XPR1: variants seen among roughly 807,000 people sequenced by gnomAD.
XPR1 encodes the protein solute carrier family 53 member 1.
A neutral mutation model predicts 87.5 loss-of-function variants in XPR1; 28 were observed. That is an observed-to-expected ratio of 0.32 (90% confidence interval 0.24 to 0.44). The LOEUF (loss-of-function observed/expected upper bound fraction) is 0.44. XPR1 is among the 20% of genes least tolerant of loss of function. XPR1 has a pLI of 1.00. For synonymous variants in XPR1, 300 were observed against 306.1 expected, an observed-to-expected ratio of 0.98 and a Z score of 0.21; for missense variants, 559 against 862.3, an observed-to-expected ratio of 0.65 and a Z score of 4.41.
intron 14 of XPR1, 46 bp downstream of exon 14, chr1:180,880,343 T>C: frequency 6.2e-7 from 1 of 1,600,446 alleles, no homozygotes; most frequent in Non-Finnish European, 8.6e-7. Flanking sequence ...CTTTGAGTTT[T>C]AGCATTGGGT....
At chr1:180,662,094 T>C (rs1655800287) in intron 1 of XPR1, among the ~76,000 whole-genome samples, 1 of 152,224 alleles carries the variant, frequency 6.6e-6, no homozygotes, top group African/African-American at 2.4e-5. Context: ...ATCTTTCTAC[T>C]TCAGATATGA....
intron 3 of XPR1, among the ~76,000 whole-genome samples, chr1:180,800,095 G>A (rs1000383773): frequency 7.9e-5 from 12 of 152,086 alleles, no homozygotes; most frequent in African/African-American, 2.9e-4. Context: ...CTTACCTGTG[G>A]TTCAGAATCA....
At chr1:180,749,869 T>G (rs941577593) in intron 2 of XPR1, among the ~76,000 whole-genome samples, 3 of 152,222 alleles carry the variant, frequency 2.0e-5, no homozygotes, top group Non-Finnish European at 4.4e-5. Context: ...TATGCTTTAA[T>G]ATTATCACTT....
intron 2 of XPR1, among the ~76,000 whole-genome samples, chr1:180,774,904 C>T (rs139330791): frequency 3.3e-5 from 5 of 152,276 alleles, no homozygotes; most frequent in African/African-American, 9.6e-5. Flanking sequence ...AGACGTAGTG[C>T]CTGATAAAGG....
intron 7 of XPR1, 90 bp downstream of exon 7, chr1:180,811,578 C>A: frequency 1.0e-6 from 1 of 979,204 alleles, no homozygotes; most frequent in Non-Finnish European, 1.5e-6. Context: ...CATGCAACTA[C>A]CAAAGCTACT....
rs115666884 is a variant in XPR1, at chr1:180,772,098, A to C, written c.122-15655A>C. 3.2e-3 allele frequency among the ~76,000 whole-genome samples: 490 copies of C among 151,732 alleles called. 4 individuals are homozygous for C. Among genetic ancestry groups the C allele is most frequent in the African/African-American group, 0.011 (453 of 41,140 alleles). ...GCTGTTCTTTCTCACACATTTATTC[A>C]GTTATTTATTTATTCATATCAACAT... On this transcript the variant is annotated intron_variant, in intron 2 of 14. Transcript: ENST00000367590.
chr1:180,708,911 G>GT (rs1324131173), intron 2 of XPR1, among the ~76,000 whole-genome samples: 7 of 19,358 alleles, frequency 3.6e-4, no homozygotes, highest in Non-Finnish European at 4.2e-4. Flanking sequence ...TTTTTTTTTG[G>GT]GGGGGGGGGG....
intron 2 of XPR1, among the ~76,000 whole-genome samples, chr1:180,745,938 T>C (rs1224879071): frequency 6.6e-6 from 1 of 152,238 alleles, no homozygotes; most frequent in East Asian, 1.9e-4. Flanking sequence ...TGTTTTGTTT[T>C]GTTTTTAGCT....
chr1:180,835,839 A>C lies in XPR1; in HGVS notation c.1307-683A>C, dbSNP rs1419740420. On this transcript the variant is annotated intron_variant, in intron 10 of 14. Transcript: ENST00000367590. The stretch of plus-strand genomic sequence containing the variant: ...TTTGGAATTCACAAAATTGTCTAGA[A>C]TCACTGGTGATACTTGTAGGTTTTC... Among the ~76,000 whole-genome samples the C allele has an allele frequency of 3.3e-5, 5 of 152,286 alleles. No homozygotes were observed. In the East Asian group the frequency reaches 5.8e-4, roughly 18 times the overall value.
chr1:180,840,743 T>C lies in XPR1; in HGVS notation c.1501+4027T>C, dbSNP rs567136681. ...TGTTAAATATTCATATCACTAAAAT[T>C]TTTAACTAAAAAGCTTAAAACAGAG... On this transcript the variant is annotated intron_variant, in intron 11 of 14. Transcript: ENST00000367590. Among the ~76,000 whole-genome samples the C allele has an allele frequency of 1.7e-3, 256 of 152,012 alleles. 1 individual carries two copies. The highest frequency in any genetic ancestry group is 6.0e-3 in the African/African-American group (250 of 41,480).
At chr1:180,698,927 G>T (rs1368689108) in intron 2 of XPR1, among the ~76,000 whole-genome samples, 5 of 145,460 alleles carry the variant, frequency 3.4e-5, no homozygotes, top group African/African-American at 1.2e-4. Flanking sequence ...TTCTCTTGAT[G>T]TTTTCAGAAT....
At chr1:180,696,208 G>GTGTGTGTGTGTA (rs1241189679) in intron 2 of XPR1, among the ~76,000 whole-genome samples, 1 of 88,566 alleles carries the variant, frequency 1.1e-5, no homozygotes, top group African/African-American at 3.7e-5. Flanking sequence ...GTGTGTGTGT[G>GTGTGTGTGTGTA]TATATATATA....
intron 2 of XPR1, among the ~76,000 whole-genome samples, chr1:180,699,219 T>A: frequency 6.7e-6 from 1 of 148,614 alleles, no homozygotes; most frequent in African/African-American, 2.4e-5. Flanking sequence ...CTTTTTTTTT[T>A]TTTTTTTATT....
At chr1:180,691,182 A>C (rs1330097075) in intron 2 of XPR1, among the ~76,000 whole-genome samples, 1 of 152,076 alleles carries the variant, frequency 6.6e-6, no homozygotes, top group Non-Finnish European at 1.5e-5. Flanking sequence ...ATATTTTATG[A>C]AGTATTGAGA....
intron 13 of XPR1, among the ~76,000 whole-genome samples, chr1:180,874,661 A>G (rs540789320): frequency 1.3e-5 from 2 of 152,186 alleles, no homozygotes; most frequent in South Asian, 4.2e-4. Context: ...TTGCACTCCA[A>G]CCTGGGCAAC....
At chr1:180,780,791 A>G (rs1648908091) in intron 2 of XPR1, among the ~76,000 whole-genome samples, 1 of 151,740 alleles carries the variant, frequency 6.6e-6, no homozygotes, top group African/African-American at 2.4e-5. Flanking sequence ...AAGAGATGCA[A>G]GAGTTGAAAG....
At chr1:180,676,626 TTC>T (rs892354281) in intron 1 of XPR1, among the ~76,000 whole-genome samples, 2 of 152,164 alleles carry the variant, frequency 1.3e-5, no homozygotes, top group Non-Finnish European at 2.9e-5. Context: ...ACAAAAGACT[TTC>T]TGATGTTTGA....
intron 13 of XPR1, among the ~76,000 whole-genome samples, chr1:180,876,133 G>A (rs1003748290): frequency 2.6e-5 from 4 of 152,008 alleles, no homozygotes; most frequent in Admixed American, 2.6e-4. Flanking sequence ...GAAAAAAAAA[G>A]AGCATAAAAG....
In XPR1 at chr1:180,723,671, C is replaced by T. The variant is rs144352484; in HGVS notation, c.121+41260C>T. On this transcript the variant is annotated intron_variant, in intron 2 of 14. Coordinates refer to ENST00000367590, the MANE Select transcript of XPR1 (RefSeq NM_004736.4). ...CCTTTTCTCTTCCCTTACCTGTCTT[C>T]AACTCTTCTGGAACCTCCTCTCTGT... 3.9e-3 allele frequency among the ~76,000 whole-genome samples: 591 copies of T among 152,272 alleles called. 4 individuals carry two copies. Among genetic ancestry groups the T allele is most frequent in the African/African-American group, 0.014 (567 of 41,554 alleles).
Sources: gnomAD v4.1 joint callset for allele counts (sites outside exome capture counted in the v4.1 genomes callset) on GRCh38, gnomAD v4.1.1 for gene constraint, MANE v1.5 for transcripts, NCBI Gene and HGNC (gene_info 2026-07-23, HGNC 2026-07-21) for gene names.